Variants in RBFOX1 observed in about 807,000 individuals in gnomAD.
The protein encoded by RBFOX1 is RNA binding protein fox-1 homolog 1.
Under a neutral mutation model 57.7 loss-of-function variants are expected in RBFOX1, and 8 were observed. That is an observed-to-expected ratio of 0.14 (90% CI 0.08 to 0.25). The LOEUF is 0.25. Among genes scored for constraint, RBFOX1 ranks in the 10% least tolerant of loss-of-function variants. The pLI is 1.00. For missense variants in RBFOX1, 611 were observed against 548.5 expected (o/e 1.11, Z -1.14); for synonymous variants, 326 against 222.4 (o/e 1.47, Z -4.15).
At chr16:6,924,985 G>C (rs556336962) in intron 3 of RBFOX1, among the ~76,000 whole-genome samples, 1 of 150,882 alleles carries the variant, frequency 6.6e-6, no homozygotes, top group Admixed American at 6.6e-5. Flanking sequence ...ATGGTTTCCA[G>C]TTTCATCCAT....
chr16:6,916,397 C>T (rs747836997), intron 3 of RBFOX1, among the ~76,000 whole-genome samples: 1 of 152,028 alleles, frequency 6.6e-6, no homozygotes. Flanking sequence ...TGTAGGTTTT[C>T]ATTTCTCTTG....
intron 1 of RBFOX1, among the ~76,000 whole-genome samples, chr16:5,409,979 C>T (rs2066972281): frequency 6.7e-6 from 1 of 150,092 alleles, no homozygotes; most frequent in Admixed American, 6.7e-5. Context: ...TCCCGGGAGG[C>T]AGAGGTTGCA....
intron 3 of RBFOX1, among the ~76,000 whole-genome samples, chr16:5,802,583 C>A (rs2055096273): frequency 2.0e-5 from 3 of 152,274 alleles, no homozygotes; most frequent in South Asian, 4.1e-4. Context: ...GTTTTCAGAT[C>A]TTTCTCTTGA....
At position 6,760,006 on chromosome 16, in the gene RBFOX1, A is replaced by C. The variant is rs183245629; in HGVS notation, c.-16+105356A>C. Among the ~76,000 whole-genome samples the C allele has an allele frequency of 6.2e-4, 95 of 152,356 alleles. No individual in the cohort carries two copies. The East Asian group carries it at 0.017, about 27-fold the overall frequency. ...CTCTGAATATGTAGCCTTCAAGGGCATTAATAGTGAAATGGTGGAAGAATC... is the reference window on the plus strand; with the variant it reads ...CTCTGAATATGTAGCCTTCAAGGGCCTTAATAGTGAAATGGTGGAAGAATC... On this transcript the variant is annotated intron_variant, in intron 3 of 15. Coordinates refer to ENST00000550418, the MANE Select transcript of RBFOX1 (RefSeq NM_018723.4).
chr16:6,292,640 T>C (rs6500768), intron 1 of RBFOX1, among the ~76,000 whole-genome samples: 89,769 of 151,960 alleles, frequency 0.59, 27,626 homozygotes, highest in East Asian at 0.8. Context: ...TGTGGAAAAT[T>C]TCTGTAGTCA....
intron 4 of RBFOX1, among the ~76,000 whole-genome samples, chr16:7,383,284 T>G (rs1327144420): frequency 6.7e-6 from 1 of 148,524 alleles, no homozygotes; most frequent in Non-Finnish European, 1.5e-5. Flanking sequence ...AAAAAAAACG[T>G]AAAATGCAAC....
intron 4 of RBFOX1, among the ~76,000 whole-genome samples, chr16:7,154,256 TG>T (rs529830456): frequency 6.6e-6 from 1 of 152,212 alleles, no homozygotes; most frequent in South Asian, 2.1e-4. Flanking sequence ...GAGGAAGACA[TG>T]GCAGAGATAC....
At chr16:5,965,777 G>T (rs921976102) in intron 4 of RBFOX1, among the ~76,000 whole-genome samples, 1 of 152,182 alleles carries the variant, frequency 6.6e-6, no homozygotes, top group Non-Finnish European at 1.5e-5. Context: ...GCCGTTCTGA[G>T]TGTGGTGGGT....
At chr16:5,957,288 C>T (rs868791102) in intron 4 of RBFOX1, among the ~76,000 whole-genome samples, 1 of 152,114 alleles carries the variant, frequency 6.6e-6, no homozygotes, top group South Asian at 2.1e-4. Flanking sequence ...GATCTCAGCT[C>T]ACTGCAACCT....
chr16:6,998,266 G>A (rs1028323706), intron 3 of RBFOX1, among the ~76,000 whole-genome samples: 3 of 152,096 alleles, frequency 2.0e-5, no homozygotes, highest in South Asian at 2.1e-4. Flanking sequence ...AAGCCTATGG[G>A]GTTCTAGAAA....
At chr16:6,953,178 C>T (rs995749769) in intron 3 of RBFOX1, among the ~76,000 whole-genome samples, 1 of 152,132 alleles carries the variant, frequency 6.6e-6, no homozygotes, top group South Asian at 2.1e-4. Context: ...ATGATCATTC[C>T]CTTATATTTT....
chr16:5,524,518 G>A (rs1353536733), intron 2 of RBFOX1, among the ~76,000 whole-genome samples: 1 of 149,588 alleles, frequency 6.7e-6, no homozygotes, highest in Non-Finnish European at 1.5e-5. Context: ...ACCCAGTAGT[G>A]GGATTGCTGG....
intron 3 of RBFOX1, among the ~76,000 whole-genome samples, chr16:5,711,237 C>T (rs1405300009): frequency 1.3e-5 from 2 of 152,206 alleles, no homozygotes; most frequent in Admixed American, 6.5e-5. Flanking sequence ...ATTTAATCTG[C>T]AGAATAACCC....
At chr16:7,517,857 A>G (rs938740295) in intron 4 of RBFOX1, among the ~76,000 whole-genome samples, 2 of 151,906 alleles carry the variant, frequency 1.3e-5, no homozygotes, top group Non-Finnish European at 2.9e-5. Flanking sequence ...GTAAAGCCAC[A>G]GACCCTCATG....
intron 4 of RBFOX1, among the ~76,000 whole-genome samples, chr16:7,378,804 C>G (rs752852900): frequency 1.3e-5 from 2 of 152,176 alleles, no homozygotes; most frequent in African/African-American, 4.8e-5. Flanking sequence ...CAAAGTCAGC[C>G]TGGCTCCTTG....
At chr16:6,795,852 A>G (rs759419849) in intron 3 of RBFOX1, among the ~76,000 whole-genome samples, 1 of 151,330 alleles carries the variant, frequency 6.6e-6, no homozygotes, top group Non-Finnish European at 1.5e-5. Context: ...CATGTATGTC[A>G]GCTTTCCACA....
At chr16:5,606,892 G>A (rs1567290157) in intron 3 of RBFOX1, among the ~76,000 whole-genome samples, 1 of 152,296 alleles carries the variant, frequency 6.6e-6, no homozygotes, top group South Asian at 2.1e-4. Flanking sequence ...GGGATGTCAG[G>A]GGTTGGCGGG....
At chr16:5,394,576 T>C (rs539250916) in intron 1 of RBFOX1, among the ~76,000 whole-genome samples, 1 of 151,492 alleles carries the variant, frequency 6.6e-6, no homozygotes, top group Non-Finnish European at 1.5e-5. Context: ...TTTTTTTTTT[T>C]TTTTTGACAG....
intron 4 of RBFOX1, among the ~76,000 whole-genome samples, chr16:7,374,095 C>T (rs2097637025): frequency 6.6e-6 from 1 of 152,154 alleles, no homozygotes; most frequent in South Asian, 2.1e-4. Context: ...AGCTTTTCTG[C>T]AGCTCTGATG....
Sources: allele counts gnomAD v4.1 joint callset (sites outside exome capture counted in the v4.1 genomes callset), GRCh38; gene constraint gnomAD v4.1.1; transcripts MANE v1.5; gene names NCBI Gene and HGNC (gene_info 2026-07-23, HGNC 2026-07-21).